The following WSCD2 variants were observed in gnomAD, a reference collection of about 807,000 sequenced individuals.
WSCD2 encodes sialate:O-sulfotransferase 2.
Under a neutral mutation model 55.7 loss-of-function variants are expected in WSCD2, and 28 were observed. That is an observed-to-expected ratio of 0.50 (90% CI 0.37 to 0.69). The LOEUF (loss-of-function observed/expected upper bound fraction) is 0.69. Ranked by LOEUF, WSCD2 falls within the 30% of genes least tolerant of loss-of-function variation. WSCD2 has a pLI of 0.00. For synonymous variants in WSCD2, 301 were observed against 301.9 expected (o/e 1.00, Z 0.03); for missense variants, 616 against 762.1 (o/e 0.81, Z 2.26).
At chr12:108,147,308 G>A (rs1877490352) in intron 1 of WSCD2, among the ~76,000 whole-genome samples, 3 of 152,194 alleles carry the variant, frequency 2.0e-5, no homozygotes, top group Admixed American at 2.0e-4. Context: ...GGCGGGGGTA[G>A]AGAGTGGAAA....
At chr12:108,204,512 T>A (rs146804342) in intron 2 of WSCD2, among the ~76,000 whole-genome samples, 2 of 152,286 alleles carry the variant, frequency 1.3e-5, no homozygotes, top group Non-Finnish European at 2.9e-5. Context: ...CACAAAGTGC[T>A]TTCTCCCAGC....
At chr12:108,136,678 C>T (rs1298994227) in intron 1 of WSCD2, among the ~76,000 whole-genome samples, 1 of 151,860 alleles carries the variant, frequency 6.6e-6, no homozygotes, top group Non-Finnish European at 1.5e-5. Context: ...TCTAAAGTCA[C>T]AGAGCCAGCG....
chr12:108,184,854 T>C (rs548306253), intron 1 of WSCD2, among the ~76,000 whole-genome samples: 1 of 152,330 alleles, frequency 6.6e-6, no homozygotes, highest in South Asian at 2.1e-4. Context: ...TCCCCTTATG[T>C]AAAGGAAGGC....
chr12:108,186,185 T>TC (rs1223916507), intron 1 of WSCD2, among the ~76,000 whole-genome samples: 1 of 152,052 alleles, frequency 6.6e-6, no homozygotes, highest in South Asian at 2.1e-4. Flanking sequence ...TAAATTATTG[T>TC]CCCCCCTTTT....
At chr12:108,207,089 G>T (rs368683038) in intron 3 of WSCD2, among the ~76,000 whole-genome samples, 12 of 152,272 alleles carry the variant, frequency 7.9e-5, no homozygotes, top group African/African-American at 2.6e-4. Flanking sequence ...CTGGGACTAG[G>T]GGGGAGTGAG....
chr12:108,216,782 A>G (rs190317465), intron 4 of WSCD2, among the ~76,000 whole-genome samples: 737 of 151,698 alleles, frequency 4.9e-3, no homozygotes, highest in Non-Finnish European at 7.1e-3. Context: ...AAGCTGCTGT[A>G]TTTTTTTTTC....
At chr12:108,211,666 T>TA (rs1377555481) in intron 4 of WSCD2, among the ~76,000 whole-genome samples, 1 of 148,938 alleles carries the variant, frequency 6.7e-6, no homozygotes, top group African/African-American at 2.5e-5. Flanking sequence ...TATATATATA[T>TA]TTTTTGAGAC....
chr12:108,211,363 T>C (rs1356498994), intron 4 of WSCD2, among the ~76,000 whole-genome samples: 1 of 152,178 alleles, frequency 6.6e-6, no homozygotes, highest in Admixed American at 6.5e-5. Flanking sequence ...CTGGGAGATC[T>C]TGTTAAAATG....
rs140359332 is a variant in WSCD2, at chr12:108,199,453, T to A, written c.382+3239T>A. Among the ~76,000 whole-genome samples, 8 of 152,330 alleles carry A rather than the reference T, an allele frequency of 5.3e-5. No individual in the cohort carries two copies. In the East Asian group the frequency reaches 1.5e-3, roughly 29 times the overall value. ...TTACCTAGGCCTCTCTAGGTTCACA[T>A]GGCCATGTGAGGGCCTGTACTTTGA... On this transcript the variant is annotated intron_variant, in intron 2 of 8. Transcript: ENST00000547525.
At chr12:108,245,730 A>G (rs534328996) in intron 8 of WSCD2, among the ~76,000 whole-genome samples, 2 of 152,364 alleles carry the variant, frequency 1.3e-5, no homozygotes, top group East Asian at 3.9e-4. Context: ...GAAATTCTGA[A>G]AAAGGAAAAC....
At position 108,186,806 on chromosome 12, in the gene WSCD2, G is replaced by C. The variant is rs117772760; in HGVS notation, c.-551-8476G>C. Among the ~76,000 whole-genome samples the C allele has an allele frequency of 2.1e-3, 327 of 152,168 alleles. 1 individual carries two copies. The highest frequency in any genetic ancestry group is 4.2e-3 in the Non-Finnish European group (287 of 68,006). On this transcript the variant is annotated intron_variant, in intron 1 of 8. Coordinates refer to ENST00000547525, the MANE Select transcript of WSCD2 (RefSeq NM_014653.4). ...CTTTGAAGACTAACTGTAGCTTATT[G>C]AGCCCTTTTGGTATACCTAGCACCA... is the stretch of plus-strand genomic sequence containing the variant.
intron 4 of WSCD2, among the ~76,000 whole-genome samples, chr12:108,211,864 TG>T (rs1279792633): frequency 6.7e-6 from 1 of 148,940 alleles, no homozygotes; most frequent in African/African-American, 2.5e-5. Flanking sequence ...AGGGTTTCAC[TG>T]TGTTGGCCAG....
intron 7 of WSCD2, among the ~76,000 whole-genome samples, chr12:108,238,755 A>G (rs1159462943): frequency 6.6e-6 from 1 of 152,168 alleles, no homozygotes; most frequent in Non-Finnish European, 1.5e-5. Flanking sequence ...TTACTACAAT[A>G]ACATTTCTAC....
chr12:108,179,678 C>T (rs1260372875), intron 1 of WSCD2, among the ~76,000 whole-genome samples: 1 of 152,194 alleles, frequency 6.6e-6, no homozygotes, highest in Non-Finnish European at 1.5e-5. Context: ...TGCATGTTGC[C>T]TCTGGGGAGG....
At chr12:108,158,237 T>G (rs1322305366) in intron 1 of WSCD2, among the ~76,000 whole-genome samples, 1 of 152,050 alleles carries the variant, frequency 6.6e-6, no homozygotes, top group East Asian at 1.9e-4. Context: ...ACCCAGAGAT[T>G]AAATTGCCCC....
At chr12:108,150,192 C>T (rs191181935) in intron 1 of WSCD2, among the ~76,000 whole-genome samples, 14 of 152,204 alleles carry the variant, frequency 9.2e-5, no homozygotes, top group East Asian at 3.9e-4. Flanking sequence ...GTTTGCGCTA[C>T]GTCATGCAGT....
chr12:108,241,681 G>A (rs1438624265), intron 8 of WSCD2, among the ~76,000 whole-genome samples: 1 of 152,166 alleles, frequency 6.6e-6, no homozygotes, highest in African/African-American at 2.4e-5. Flanking sequence ...TAAGGTTTTG[G>A]TGAGAGGATA....
intron 1 of WSCD2, among the ~76,000 whole-genome samples, chr12:108,195,062 C>G (rs1306986484): frequency 6.7e-6 from 1 of 149,558 alleles, no homozygotes; most frequent in Non-Finnish European, 1.5e-5. Context: ...CCACTAGGAT[C>G]CAGGTCCCTA....
At chr12:108,209,447 G>A (rs149201775) in intron 3 of WSCD2, among the ~76,000 whole-genome samples, 1 of 152,294 alleles carries the variant, frequency 6.6e-6, no homozygotes, top group African/African-American at 2.4e-5. Flanking sequence ...GCAAGAAAGA[G>A]AGTGGGGTAG....
Sources: allele counts gnomAD v4.1 joint callset (sites outside exome capture counted in the v4.1 genomes callset), GRCh38; gene constraint gnomAD v4.1.1; transcripts MANE v1.5; gene names NCBI Gene and HGNC (gene_info 2026-07-23, HGNC 2026-07-21).